The following DYNC1LI1 variants were observed in gnomAD, a reference collection of about 807,000 sequenced individuals.
DYNC1LI1 encodes the protein cytoplasmic dynein 1 light intermediate chain 1.
DYNC1LI1 carries 19 observed loss-of-function variants against 63.8 expected under a neutral mutation model. That is an observed-to-expected ratio of 0.30 (90% CI 0.21 to 0.44). The LOEUF (loss-of-function observed/expected upper bound fraction) is 0.44, where lower values mean the gene tolerates loss of function less well. DYNC1LI1 is among the 20% of genes least tolerant of loss of function. The pLI, the probability that DYNC1LI1 is intolerant of heterozygous loss-of-function variation, is 1.00. For synonymous variants in DYNC1LI1, 225 were observed against 232.3 expected (o/e 0.97, Z 0.28); for missense variants, 565 against 630.2 (o/e 0.90, Z 1.11).
At chr3:32,570,499 G>A (rs1293887436) in intron 1 of DYNC1LI1, 80 bp from the exon 2 acceptor site, 4 of 1,480,514 alleles carry the variant, frequency 2.7e-6, no homozygotes, top group African/African-American at 1.5e-5. Context: ...TCGGCGCGCC[G>A]GGGATGGGGC....
chr3:32,547,483 A>G (rs1429997461), intron 2 of DYNC1LI1, among the ~76,000 whole-genome samples: 2 of 152,186 alleles, frequency 1.3e-5, no homozygotes, highest in African/African-American at 2.4e-5. Flanking sequence ...AAAAAAACAT[A>G]TATGTCTTAA....
chr3:32,538,147 G>T (rs1320556371), intron 5 of DYNC1LI1, among the ~76,000 whole-genome samples: 6 of 126,684 alleles, frequency 4.7e-5, no homozygotes, highest in African/African-American at 1.8e-4. Flanking sequence ...AGTGGTATGT[G>T]CCTGTACTAC....
intron 3 of DYNC1LI1, 83 bp downstream of exon 3, chr3:32,545,766 C>T: frequency 1.1e-6 from 1 of 918,946 alleles, no homozygotes. Context: ...AAAAATTACA[C>T]ACTAAAAAAA....
intron 1 of DYNC1LI1, 92 bp downstream of exon 1, chr3:32,570,533 C>T: frequency 6.7e-7 from 1 of 1,495,554 alleles, no homozygotes; most frequent in South Asian, 1.3e-5. Context: ...GTGGCCGGGC[C>T]CGGCGCCGAG....
intron 11 of DYNC1LI1, 80 bp from the exon 12 acceptor site, chr3:32,528,681 T>A: frequency 7.4e-7 from 1 of 1,347,376 alleles, no homozygotes; most frequent in South Asian, 1.6e-5. Flanking sequence ...TAATCACACA[T>A]AGAAAATGAA....
At position 32,570,736 on chromosome 3, in the gene DYNC1LI1, G is replaced by T. The variant is rs756282464; in HGVS notation, c.35C>A (p.Ser12Tyr). Residue 12 changes from serine (S) to tyrosine (Y), a missense_variant, in exon 1 of 13, where the codon TCT (serine) becomes TAT (tyrosine). By Grantham distance (144) the Ser-to-Tyr change is moderately radical. Coordinates refer to ENST00000273130, the MANE Select transcript of DYNC1LI1 (RefSeq NM_016141.4). Reference sequence around the variant, plus strand: ...AGTCGAGGATAATCCCGGCGGAGAAGAACCGAAGGAGCCGACTCGCCCCAC... The same window carrying T: ...AGTCGAGGATAATCCCGGCGGAGAATAACCGAAGGAGCCGACTCGCCCCAC... ...AAVGRVGSFGSSPPGLSSTYT... is the reference protein window; with the variant it reads ...AAVGRVGSFGYSPPGLSSTYT... The T allele has an allele frequency of 1.9e-5, 31 of 1,607,582 alleles. No homozygotes were observed. The South Asian group carries it at 3.4e-4, about 18-fold the overall frequency.
chr3:32,557,196 T>C (rs1483970431), intron 2 of DYNC1LI1, among the ~76,000 whole-genome samples: 3 of 152,166 alleles, frequency 2.0e-5, no homozygotes, highest in African/African-American at 4.8e-5. Context: ...GTTTAGGATG[T>C]CTGTCCTTTG....
At chr3:32,565,191 A>C (rs1698242555) in intron 2 of DYNC1LI1, among the ~76,000 whole-genome samples, 1 of 152,234 alleles carries the variant, frequency 6.6e-6, no homozygotes, top group Admixed American at 6.5e-5. Flanking sequence ...AAAAATATTC[A>C]ATAACTCACA....
In DYNC1LI1 at chr3:32,558,846, C is replaced by CAA. The variant is rs35953455; in HGVS notation, c.220+11498_220+11499dup. ...GGGCAACAAGAGCAAAACTCCATCT[C>CAA]AAAAAAAAAAAAAATAATAACAACA... On this transcript the variant is annotated intron_variant, in intron 2 of 12. Coordinates refer to ENST00000273130, the MANE Select transcript of DYNC1LI1 (RefSeq NM_016141.4). Among the ~76,000 whole-genome samples the CAA allele has an allele frequency of 2.2e-4, 29 of 132,176 alleles. No individual in the cohort carries two copies. The East Asian group carries it at 6.5e-3, about 30-fold the overall frequency. The allele number at this position is 132,176 out of a possible 152,430, so 86.7% of individuals were successfully genotyped here. A position where few individuals can be genotyped will look rare whatever the true frequency, so the allele number is the denominator to read the frequency against.
chr3:32,527,166 AC>A (rs1435113473), intron 12 of DYNC1LI1, among the ~76,000 whole-genome samples: 1 of 152,010 alleles, frequency 6.6e-6, no homozygotes, highest in Non-Finnish European at 1.5e-5. Flanking sequence ...ACATGGTGAA[AC>A]CCTGCTGTAA....
At chr3:32,537,184 G>T (rs2125432766) in intron 5 of DYNC1LI1, 80 bp from the exon 6 acceptor site, 1 of 740,388 alleles carries the variant, frequency 1.4e-6, no homozygotes, top group South Asian at 2.6e-5. Flanking sequence ...TTCAATTCTG[G>T]ATAGGGGAAC....
At chr3:32,569,101 C>A (rs756874782) in intron 2 of DYNC1LI1, among the ~76,000 whole-genome samples, 2 of 152,110 alleles carry the variant, frequency 1.3e-5, no homozygotes, top group Non-Finnish European at 2.9e-5. Flanking sequence ...CCCGCCACAA[C>A]CCTAGAGGCA....
intron 2 of DYNC1LI1, among the ~76,000 whole-genome samples, chr3:32,546,229 G>A (rs1256809440): frequency 2.6e-5 from 4 of 152,092 alleles, no homozygotes; most frequent in Admixed American, 6.6e-5. Flanking sequence ...CCAACATGGT[G>A]AAACCCCGTC....
chr3:32,546,054 G>T, intron 2 of DYNC1LI1, 89 bp from the exon 3 acceptor site: 1 of 850,716 alleles, frequency 1.2e-6, no homozygotes, highest in Non-Finnish European at 1.8e-6. Flanking sequence ...AACCCAACTG[G>T]AACTAGCTTC....
chr3:32,530,421 C>T (rs752473059), intron 9 of DYNC1LI1, 40 bp downstream of exon 9: 4 of 1,605,600 alleles, frequency 2.5e-6, no homozygotes, highest in Non-Finnish European at 3.4e-6. Flanking sequence ...ACAGTTTACC[C>T]ATTAACCATA....
At chr3:32,567,741 T>C (rs1698288112) in intron 2 of DYNC1LI1, among the ~76,000 whole-genome samples, 1 of 148,390 alleles carries the variant, frequency 6.7e-6, no homozygotes, top group Admixed American at 6.8e-5. Flanking sequence ...TCTCGCTCTG[T>C]CACCCAGGCT....
chr3:32,561,879 G>A (rs1370960545), intron 2 of DYNC1LI1, among the ~76,000 whole-genome samples: 7 of 150,106 alleles, frequency 4.7e-5, no homozygotes, highest in Admixed American at 2.6e-4. Context: ...CGTGTTACAC[G>A]AAGTGAACCA....
At chr3:32,534,076 G>A (rs769377055) in intron 7 of DYNC1LI1, among the ~76,000 whole-genome samples, 9 of 151,114 alleles carry the variant, frequency 6.0e-5, no homozygotes, top group East Asian at 1.9e-4. Context: ...AGGGGGTTTC[G>A]CCATGTTGGC....
chr3:32,564,912 C>T (rs1698238786), intron 2 of DYNC1LI1, among the ~76,000 whole-genome samples: 1 of 152,130 alleles, frequency 6.6e-6, no homozygotes, highest in Non-Finnish European at 1.5e-5. Context: ...CTTAACAGAT[C>T]TCTGAATTCC....
Sources: gnomAD v4.1 joint callset for allele counts (sites outside exome capture counted in the v4.1 genomes callset) on GRCh38, gnomAD v4.1.1 for gene constraint, MANE v1.5 for transcripts, NCBI Gene and HGNC (gene_info 2026-07-23, HGNC 2026-07-21) for gene names.